FERMT2: variants seen among roughly 807,000 people sequenced by gnomAD.
The protein encoded by FERMT2 is FERM domain containing kindlin 2.
FERMT2 carries 15 observed loss-of-function variants against 82.7 expected under a neutral mutation model. The ratio of observed to expected loss-of-function variants is 0.18; its 90% CI spans 0.12 to 0.28. FERMT2 has a LOEUF of 0.28. Ranked by LOEUF, FERMT2 falls within the 10% of genes least tolerant of loss-of-function variation. FERMT2 has a pLI of 1.00. For missense variants in FERMT2, 645 were observed against 809.4 expected, an observed-to-expected ratio of 0.80 and a Z score of 2.46; for synonymous variants, 274 against 271.5, an observed-to-expected ratio of 1.01 and a Z score of -0.09.
intron 12 of FERMT2, chr14:52,860,849 T>C (rs1884884945): frequency 3.1e-6 from 2 of 654,984 alleles, no homozygotes; most frequent in African/African-American, 1.9e-5. Context: ...GGAATACATG[T>C]TTCTAGCAGG....
At chr14:52,879,090 C>G (rs1886146291) in intron 6 of FERMT2, among the ~76,000 whole-genome samples, 1 of 152,150 alleles carries the variant, frequency 6.6e-6, no homozygotes, top group South Asian at 2.1e-4. Context: ...ACTTGCCATA[C>G]AAACATGTAA....
intron 2 of FERMT2, among the ~76,000 whole-genome samples, chr14:52,920,136 T>A (rs1888872274): frequency 6.6e-6 from 1 of 152,162 alleles, no homozygotes; most frequent in Non-Finnish European, 1.5e-5. Context: ...TACCCCCAGA[T>A]AAGGCAGGTC....
intron 7 of FERMT2, 82 bp downstream of exon 7, chr14:52,878,499 GA>G (rs1395314571): frequency 1.2e-6 from 1 of 832,684 alleles, no homozygotes; most frequent in African/African-American, 1.7e-5. Flanking sequence ...AATGTTACTG[GA>G]ATTACTATTC....
Position 52,875,321 on chromosome 14 carries a change from T to G in FERMT2, c.1000A>C (p.Asn334His), listed in dbSNP as rs1369349643. Residue 334 changes from asparagine (N) to histidine (H), a missense_variant, in exon 8 of 15, where the codon AAT becomes CAT. Asn to His is a moderately conservative substitution (Grantham distance 68). Coordinates refer to ENST00000341590, the MANE Select transcript of FERMT2 (RefSeq NM_006832.3). ...INKLSIMTSE[N>H]HLNNSDKEVD... ...TCTTTGTCACTGTTGTTCAAATGAT[T>G]CTCTGATGTCATGATTGACAGCTTA... is the stretch of plus-strand genomic sequence containing the variant. The G allele has an allele frequency of 6.2e-7, 1 of 1,609,950 alleles. No homozygotes were observed. The highest frequency in any genetic ancestry group is 1.3e-5 in the African/African-American group (1 of 74,780).
chr14:52,858,638 A>G (rs934961035), intron 14 of FERMT2, 88 bp from the exon 15 acceptor site: 4 of 1,198,556 alleles, frequency 3.3e-6, no homozygotes, highest in Non-Finnish European at 4.8e-6. Context: ...AAAGTCTGTC[A>G]TATCACAAAA....
At chr14:52,895,865 A>T (rs929105730) in intron 3 of FERMT2, among the ~76,000 whole-genome samples, 1 of 152,216 alleles carries the variant, frequency 6.6e-6, no homozygotes, top group South Asian at 2.1e-4. Context: ...AGCCGCAGAA[A>T]GGAGAAGCAA....
intron 3 of FERMT2, among the ~76,000 whole-genome samples, chr14:52,911,172 A>G (rs532320594): frequency 2.8e-4 from 43 of 152,220 alleles, no homozygotes; most frequent in Non-Finnish European, 5.6e-4. Flanking sequence ...TACTGCTGCT[A>G]TAACGCAAAA....
intron 3 of FERMT2, among the ~76,000 whole-genome samples, chr14:52,905,188 C>CAAAA (rs71125148): frequency 2.4e-5 from 3 of 126,852 alleles, no homozygotes; most frequent in African/African-American, 9.5e-5. Flanking sequence ...GACTCCATCT[C>CAAAA]AAAAAAAAAA....
At chr14:52,946,351 G>C (rs1057034785) in intron 2 of FERMT2, among the ~76,000 whole-genome samples, 2 of 149,988 alleles carry the variant, frequency 1.3e-5, no homozygotes, top group African/African-American at 4.9e-5. Flanking sequence ...TTTGAAATTT[G>C]TCTTTGATTA....
chr14:52,902,631 G>A (rs1444128664), intron 3 of FERMT2, among the ~76,000 whole-genome samples: 1 of 151,586 alleles, frequency 6.6e-6, no homozygotes, highest in Non-Finnish European at 1.5e-5. Flanking sequence ...CACTTTGGGA[G>A]GCCGAGGCGG....
At chr14:52,859,528 G>T in intron 14 of FERMT2, 45 bp downstream of exon 14, 1 of 1,505,016 alleles carries the variant, frequency 6.6e-7, no homozygotes, top group East Asian at 2.4e-5. Context: ...GTACTAATTT[G>T]TATCAGAGAA....
Position 52,858,193 on chromosome 14 carries a change from TCATAA to T in FERMT2, c.*179_*183del, listed in dbSNP as rs1323594445. 1 of 544,114 alleles carries T rather than the reference TCATAA, an allele frequency of 1.8e-6. No homozygotes were observed. Among genetic ancestry groups the T allele is most frequent in the East Asian group, 2.9e-5 (1 of 34,614 alleles). The allele number at this position is 544,114 out of a possible 1,614,324, so 33.7% of individuals were successfully genotyped here. ...GTGTGACAAATTCAAGTTTATTATA[TCATAA>T]CATGATAGATTAATAGTCGTGCTTG... On this transcript the variant is annotated 3_prime_UTR_variant, in exon 15 of 15. Coordinates refer to ENST00000341590, the MANE Select transcript of FERMT2 (RefSeq NM_006832.3).
chr14:52,874,306 T>A (rs1885820005), intron 8 of FERMT2, 80 bp from the exon 9 acceptor site: 1 of 758,534 alleles, frequency 1.3e-6, no homozygotes, highest in African/African-American at 1.8e-5. Flanking sequence ...TATCAAGAAC[T>A]AGCTTACTTA....
At chr14:52,931,845 T>C (rs574839690) in intron 2 of FERMT2, among the ~76,000 whole-genome samples, 3 of 152,218 alleles carry the variant, frequency 2.0e-5, no homozygotes, top group East Asian at 3.9e-4. Context: ...CTGGCTAACA[T>C]GGTGAAACCC....
In FERMT2 at chr14:52,858,438, T is replaced by G; in HGVS notation, c.1982A>C (p.Lys661Thr). Residue 661 changes from lysine (K) to threonine (T), a missense_variant, in exon 15 of 15, where the codon AAA (lysine) becomes ACA (threonine). Lys to Thr is a moderately conservative substitution (Grantham distance 78, BLOSUM62 -1). Transcript: ENST00000341590. ...GGYIFLSTRA[K>T]DQNESLDEEM... ...TTCATCTAAACTCTCGTTTTGGTCT[T>G]TTGCACGTGTTGAGAGAAATATGTA... 6.2e-7 allele frequency: 1 copy of G among 1,614,174 alleles called. No individual in the cohort carries two copies. Among genetic ancestry groups the G allele is most frequent in the Non-Finnish European group, 8.5e-7 (1 of 1,180,016 alleles).
At position 52,858,517 on chromosome 14, in the gene FERMT2, A is replaced by G. The variant is rs2140039453; in HGVS notation, c.1903T>C (p.Ser635Pro). 2 of 1,614,170 alleles carry G rather than the reference A, an allele frequency of 1.2e-6. 1 individual carries two copies. The highest frequency in any genetic ancestry group is 3.3e-4 in the Middle Eastern group (2 of 6,062). The change falls in exon 15 of 15, where the codon TCC becomes CCC. Residue 635 changes from serine to proline, a missense_variant. Transcript: ENST00000341590. ...TVEFADEVRL[S>P]FICTEVDCKV... ...CAATCTACTTCAGTACAAATGAAGGACAATCGTACTTCATCTGCAAACTCT... is the reference window on the plus strand; with the variant it reads ...CAATCTACTTCAGTACAAATGAAGGGCAATCGTACTTCATCTGCAAACTCT...
intron 2 of FERMT2, among the ~76,000 whole-genome samples, chr14:52,931,529 G>A (rs1473196506): frequency 1.3e-5 from 2 of 152,158 alleles, no homozygotes; most frequent in African/African-American, 4.8e-5. Flanking sequence ...AAGAGAAGGA[G>A]GCAAATATGA....
intron 4 of FERMT2, among the ~76,000 whole-genome samples, chr14:52,889,204 G>GT (rs2139527969): frequency 6.6e-6 from 1 of 152,288 alleles, no homozygotes. Context: ...TACATGTAGT[G>GT]TTTTGGACAA....
chr14:52,890,672 C>T (rs1342734253), intron 4 of FERMT2, among the ~76,000 whole-genome samples: 3 of 148,876 alleles, frequency 2.0e-5, no homozygotes, highest in Non-Finnish European at 3.0e-5. Context: ...GGCACAATCT[C>T]GGCTCACTGC....
Sources: allele counts gnomAD v4.1 joint callset (sites outside exome capture counted in the v4.1 genomes callset), GRCh38; gene constraint gnomAD v4.1.1; transcripts MANE v1.5; gene names NCBI Gene and HGNC (gene_info 2026-07-23, HGNC 2026-07-21).